The following FOXN2 variants were observed in gnomAD, a reference collection of about 807,000 sequenced individuals.
FOXN2 encodes forkhead box N2.
A neutral mutation model predicts 41.2 loss-of-function variants in FOXN2; 19 were observed. The ratio of observed to expected loss-of-function variants is 0.46; its 90% CI spans 0.32 to 0.68. FOXN2 has a LOEUF of 0.68. Among genes scored for constraint, FOXN2 ranks in the 30% least tolerant of loss-of-function variants. The pLI is 0.03. For synonymous variants in FOXN2, 195 were observed against 176.8 expected (o/e 1.10, Z -0.82); for missense variants, 587 against 509.4 (o/e 1.15, Z -1.47).
At chr2:48,319,360 G>A (rs369705276) in intron 1 of FOXN2, among the ~76,000 whole-genome samples, 124 of 152,194 alleles carry the variant, frequency 8.1e-4, no homozygotes, top group African/African-American at 2.8e-3. Flanking sequence ...TAATAGAAGA[G>A]TAGAAGAGTG....
rs1251245335 is a variant in FOXN2 at position 48,378,328 on chromosome 2, C to T, written c.*2885C>T. 6.6e-6 allele frequency: 1 copy of T among 152,084 alleles called. No homozygotes were observed. The highest frequency in any genetic ancestry group is 1.5e-5 in the Non-Finnish European group (1 of 67,850). 9.4% of individuals were successfully genotyped at this position (152,084 alleles called of 1,614,324 possible). A position where few individuals can be genotyped will look rare whatever the true frequency, so the allele number is the denominator to read the frequency against. Reference sequence around the variant, plus strand: ...TTCAAGCCTTTCCTGTCCTCATAGCCAGCATGACTTCTTTTAACTTGGATT... The same window carrying T: ...TTCAAGCCTTTCCTGTCCTCATAGCTAGCATGACTTCTTTTAACTTGGATT... On this transcript the variant is annotated 3_prime_UTR_variant, in exon 7 of 7. Transcript: ENST00000340553.
chr2:48,369,630 T>C (rs944581856), intron 5 of FOXN2, among the ~76,000 whole-genome samples: 4 of 152,198 alleles, frequency 2.6e-5, no homozygotes, highest in African/African-American at 9.6e-5. Context: ...CTGTAATTGG[T>C]TTCTCATTAT....
intron 3 of FOXN2, among the ~76,000 whole-genome samples, chr2:48,355,186 AG>A (rs1261539506): frequency 1.3e-5 from 2 of 152,324 alleles, no homozygotes; most frequent in South Asian, 2.1e-4. Flanking sequence ...AATACTCAAA[AG>A]GGAGTTGGTC....
intron 3 of FOXN2, among the ~76,000 whole-genome samples, chr2:48,349,804 G>A (rs867538167): frequency 2.6e-5 from 4 of 152,222 alleles, no homozygotes; most frequent in African/African-American, 7.2e-5. Context: ...ATCCTGTGAC[G>A]TGAGATGTAA....
chr2:48,331,570 A>G (rs931548835), intron 2 of FOXN2, among the ~76,000 whole-genome samples: 1 of 152,264 alleles, frequency 6.6e-6, no homozygotes, highest in South Asian at 2.1e-4. Context: ...AATCCTTACA[A>G]TTAGGGAGGG....
chr2:48,337,461 A>G (rs1426682622), intron 2 of FOXN2, among the ~76,000 whole-genome samples: 1 of 151,388 alleles, frequency 6.6e-6, no homozygotes, highest in Non-Finnish European at 1.5e-5. Context: ...ACCATGCCCC[A>G]CTAATTTTTG....
chr2:48,358,535 T>C (rs1028878939), intron 3 of FOXN2, among the ~76,000 whole-genome samples: 4 of 152,172 alleles, frequency 2.6e-5, no homozygotes, highest in Non-Finnish European at 5.9e-5. Context: ...CTATAAAAAT[T>C]ATGAAATGAT....
At chr2:48,347,594 ATTAT>A (rs1446782564) in intron 3 of FOXN2, among the ~76,000 whole-genome samples, 5 of 150,614 alleles carry the variant, frequency 3.3e-5, no homozygotes, top group African/African-American at 9.8e-5. Context: ...CTATTGCCTG[ATTAT>A]TTATGTATTT....
intron 2 of FOXN2, among the ~76,000 whole-genome samples, chr2:48,344,263 C>T (rs375986723): frequency 1.3e-5 from 2 of 152,174 alleles, no homozygotes; most frequent in Admixed American, 6.5e-5. Flanking sequence ...AAACCAAATC[C>T]GTTATCGTTT....
chr2:48,358,756 A>G (rs1047201965), intron 3 of FOXN2, among the ~76,000 whole-genome samples: 7 of 152,236 alleles, frequency 4.6e-5, no homozygotes, highest in African/African-American at 1.4e-4. Flanking sequence ...GTAGTCGTAA[A>G]GGTAATTCAA....
intron 1 of FOXN2, among the ~76,000 whole-genome samples, chr2:48,315,129 CG>C (rs1251574855): frequency 6.6e-6 from 1 of 152,114 alleles, no homozygotes; most frequent in Admixed American, 6.5e-5. Context: ...CGGCGGAAAC[CG>C]CGGCGAGGGG....
At chr2:48,348,896 C>T (rs1671278953) in intron 3 of FOXN2, among the ~76,000 whole-genome samples, 1 of 152,198 alleles carries the variant, frequency 6.6e-6, no homozygotes, top group Admixed American at 6.5e-5. Context: ...CTTCCTACAG[C>T]ACTAGATTGC....
intron 1 of FOXN2, among the ~76,000 whole-genome samples, chr2:48,322,780 A>G (rs905078280): frequency 6.7e-6 from 1 of 148,714 alleles, no homozygotes; most frequent in Non-Finnish European, 1.5e-5. Context: ...TACAATATAT[A>G]TATCTGATAT....
At chr2:48,318,702 A>G (rs906374168) in intron 1 of FOXN2, among the ~76,000 whole-genome samples, 2 of 152,202 alleles carry the variant, frequency 1.3e-5, no homozygotes, top group Non-Finnish European at 2.9e-5. Flanking sequence ...TTGGACAGAT[A>G]TTTATTTAGT....
chr2:48,353,855 T>A lies in FOXN2; in HGVS notation c.538-5192T>A, dbSNP rs543401734. 5.3e-5 allele frequency among the ~76,000 whole-genome samples: 8 copies of A among 152,092 alleles called. No homozygotes were observed. In the South Asian group the frequency reaches 8.3e-4, roughly 16 times the overall value. ...ATTGTTATCCTCTGTCTTTTTTTTTTAAACACTGTACATATTTCATAATTA... is the reference window on the plus strand; with the variant it reads ...ATTGTTATCCTCTGTCTTTTTTTTTAAAACACTGTACATATTTCATAATTA... On this transcript the variant is annotated intron_variant, in intron 3 of 6. Transcript: ENST00000340553.
intron 5 of FOXN2, among the ~76,000 whole-genome samples, chr2:48,367,250 A>T (rs1039537748): frequency 6.6e-6 from 1 of 152,140 alleles, no homozygotes; most frequent in Admixed American, 6.6e-5. Context: ...GAGTAAATTC[A>T]CCTGTTTAAA....
At chr2:48,341,176 A>C (rs1452676739) in intron 2 of FOXN2, among the ~76,000 whole-genome samples, 1 of 152,140 alleles carries the variant, frequency 6.6e-6, no homozygotes, top group African/African-American at 2.4e-5. Context: ...TCATAGGCCC[A>C]GGTTTCCTTT....
intron 2 of FOXN2, among the ~76,000 whole-genome samples, chr2:48,334,918 C>T (rs996546619): frequency 6.6e-6 from 1 of 152,154 alleles, no homozygotes; most frequent in Non-Finnish European, 1.5e-5. Context: ...AAATGTGCTA[C>T]CACAAACCAG....
At chr2:48,319,785 ATTTTTTTTTTTTTTT>A (rs545797179) in intron 1 of FOXN2, among the ~76,000 whole-genome samples, 1 of 98,780 alleles carries the variant, frequency 1.0e-5, no homozygotes, top group Non-Finnish European at 2.1e-5. Context: ...TAATTTTTTA[ATTTTTTTTTTTTTTT>A]TTTTTTTTTT....
Sources: gnomAD v4.1 joint callset for allele counts (sites outside exome capture counted in the v4.1 genomes callset) on GRCh38, gnomAD v4.1.1 for gene constraint, MANE v1.5 for transcripts, NCBI Gene and HGNC (gene_info 2026-07-23, HGNC 2026-07-21) for gene names.